RGPD3: variants seen among roughly 807,000 people sequenced by gnomAD.
RGPD3 encodes ranBP2-like and GRIP domain-containing protein 3.
Under a neutral mutation model 154.5 loss-of-function variants are expected in RGPD3, and 62 were observed. The ratio of observed to expected loss-of-function variants is 0.40; its 90% CI spans 0.33 to 0.50. The LOEUF (loss-of-function observed/expected upper bound fraction) is 0.50, where lower values mean the gene tolerates loss of function less well. Among genes scored for constraint, RGPD3 ranks in the 20% least tolerant of loss-of-function variants. RGPD3 has a pLI of 0.59. For synonymous variants in RGPD3, 308 were observed against 607.0 expected, an observed-to-expected ratio of 0.51 and a Z score of 7.24; for missense variants, 919 against 1,716.8, an observed-to-expected ratio of 0.54 and a Z score of 8.21.
At chr2:106,449,214 C>A (rs1678032473) in intron 6 of RGPD3, among the ~76,000 whole-genome samples, 1 of 150,298 alleles carries the variant, frequency 6.7e-6, no homozygotes, top group African/African-American at 2.5e-5. Flanking sequence ...CATGTAATTC[C>A]AGCACTTTGG....
chr2:106,461,716 G>A (rs1183655941), intron 1 of RGPD3, among the ~76,000 whole-genome samples: 1 of 151,202 alleles, frequency 6.6e-6, no homozygotes. Flanking sequence ...AAAATGCCTG[G>A]GAATAAATGT....
At chr2:106,418,576 AT>A (rs1287640158) in intron 20 of RGPD3, among the ~76,000 whole-genome samples, 3 of 151,742 alleles carry the variant, frequency 2.0e-5, no homozygotes, top group East Asian at 4.0e-4. Flanking sequence ...GTAAAGTGTT[AT>A]TTTTTCTGAG....
Position 106,467,880 on chromosome 2 carries a change from C to T in RGPD3, c.72+337G>A, listed in dbSNP as rs1195416931. Among the ~76,000 whole-genome samples, 14 of 140,134 alleles carry T rather than the reference C, an allele frequency of 1.0e-4. No individual in the cohort carries two copies. The East Asian group carries it at 2.4e-3, about 24-fold the overall frequency. The allele number at this position is 140,134 out of a possible 152,430, so 91.9% of individuals were successfully genotyped here. On this transcript the variant is annotated intron_variant, in intron 1 of 22. Coordinates refer to ENST00000409886, the MANE Select transcript of RGPD3 (RefSeq NM_001144013.2). ...ATGACGCCTGAGCCATCGAGGCCGC[C>T]GCAGGGCCAGGTCGAGGCCGGCGCC...
Position 106,424,583 on chromosome 2 carries a change from T to C in RGPD3, c.3384A>G (p.Arg1128=). ...AATCACTGGCTGACCACATCCATGCTCTATCTGATCCAGAGAGGGGCTTCA... is the reference window on the plus strand; with the variant it reads ...AATCACTGGCTGACCACATCCATGCCCTATCTGATCCAGAGAGGGGCTTCA... ...MNLKPLSGSD[R]AWMWSASDFS... Residue 1128 remains arginine (R), a synonymous_variant, in exon 20 of 23, where the codon AGA becomes AGG. Transcript: ENST00000409886. 6.2e-7 allele frequency: 1 copy of C among 1,611,278 alleles called. No homozygotes were observed. The highest frequency in any genetic ancestry group is 1.7e-5 in the Admixed American group (1 of 59,974).
At position 106,468,195 on chromosome 2, in the gene RGPD3, G is replaced by T. The variant is rs372006418; in HGVS notation, c.72+22C>A. ...GCCGCCCGGCCAGGTCGAGGCCGTC[G>T]GTCTCTTCCAGACCCACTCACCTTT... On this transcript the variant is annotated intron_variant, in intron 1 of 22. Coordinates refer to ENST00000409886, the MANE Select transcript of RGPD3 (RefSeq NM_001144013.2). 5.1e-4 allele frequency: 821 copies of T among 1,595,120 alleles called. 5 individuals carry two copies. The African/African-American group carries it at 0.01, about 20-fold the overall frequency.
chr2:106,424,006 C>G lies in RGPD3; in HGVS notation c.3961G>C (p.Glu1321Gln), dbSNP rs1025591319. 2.5e-6 allele frequency: 4 copies of G among 1,611,694 alleles called. No individual in the cohort carries two copies. Among genetic ancestry groups the G allele is most frequent in the Non-Finnish European group, 3.4e-6 (4 of 1,179,844 alleles). ...QSGTSVGTDEESDVTQEEERD... is the reference protein window; with the variant it reads ...QSGTSVGTDEQSDVTQEEERD... ...TCTTCTTCTTGAGTAACATCAGATT[C>G]TTCATCAGTGCCAACTGAAGTCCCA... Residue 1321 changes from glutamate (E) to glutamine (Q), a missense_variant, in exon 20 of 23, where the codon GAA becomes CAA. Physicochemically the swap from Glu to Gln is conservative, Grantham distance 29. Transcript: ENST00000409886.
intron 1 of RGPD3, among the ~76,000 whole-genome samples, chr2:106,466,766 A>AT (rs1370332925): frequency 1.5e-5 from 1 of 64,772 alleles, no homozygotes; most frequent in Non-Finnish European, 3.1e-5. Flanking sequence ...GTCGGGAGCC[A>AT]TGACGCCTGA....
intron 1 of RGPD3, among the ~76,000 whole-genome samples, chr2:106,467,738 G>A (rs1197755597): frequency 7.2e-6 from 1 of 139,680 alleles, no homozygotes; most frequent in Admixed American, 7.0e-5. Context: ...AACAGAGCGC[G>A]CCAGGGAGCA....
chr2:106,468,446 G>A, upstream of RGPD3: 1 of 1,408,170 alleles, frequency 7.1e-7, no homozygotes, highest in Non-Finnish European at 9.5e-7. Context: ...ACAGTGTGTG[G>A]AACGTTGGCG....
chr2:106,407,341 C>G (rs3872529), intron 22 of RGPD3, among the ~76,000 whole-genome samples: 39 of 138,642 alleles, frequency 2.8e-4, no homozygotes, highest in South Asian at 7.2e-4. Context: ...TACTGGCTCT[C>G]AAGGGGAAGA....
At position 106,423,905 on chromosome 2, in the gene RGPD3, T is replaced by C. The variant is rs749643440; in HGVS notation, c.4062A>G (p.Glu1354=). 6.8e-6 allele frequency: 11 copies of C among 1,611,810 alleles called. No individual in the cohort carries two copies. Among genetic ancestry groups the C allele is most frequent in the Non-Finnish European group, 9.3e-6 (11 of 1,179,858 alleles). The change falls in exon 20 of 23, where the codon GAA becomes GAG. Residue 1354 remains glutamate, a synonymous_variant. Transcript: ENST00000409886. ...LVEVSSGEEN[E]QVVFSHRAEF... ...CTGCCCTGTGACTAAAAACAACTTG[T>C]TCATTTTCCTCACCACTGGATACTT... is the stretch of plus-strand genomic sequence containing the variant.
intron 1 of RGPD3, among the ~76,000 whole-genome samples, chr2:106,466,249 C>T (rs1490821435): frequency 6.6e-6 from 1 of 152,110 alleles, no homozygotes; most frequent in Non-Finnish European, 1.5e-5. Flanking sequence ...ACTCTTCCTG[C>T]GCTTGCAAGC....
chr2:106,432,345 C>T (rs200754716), intron 17 of RGPD3, among the ~76,000 whole-genome samples: 9 of 147,984 alleles, frequency 6.1e-5, no homozygotes, highest in Admixed American at 3.5e-4. Flanking sequence ...CCCAGCTACT[C>T]GGGAGGCTGA....
At position 106,441,863 on chromosome 2, in the gene RGPD3, C is replaced by CAAAAAAAAAAAAAAAA. The variant is rs1166971652; in HGVS notation, c.979-499_979-484dup. Reference sequence around the variant, plus strand: ...TGGGTGAAAGAGTGAGACTCCATCGCAAAAAAAAAAAAAAAAAAAAAAAAA... The same window carrying CAAAAAAAAAAAAAAAA: ...TGGGTGAAAGAGTGAGACTCCATCGCAAAAAAAAAAAAAAAAAAAAAAAAAAAAAAAAAAAAAAAAA... On this transcript the variant is annotated intron_variant, in intron 7 of 22. Coordinates refer to ENST00000409886, the MANE Select transcript of RGPD3 (RefSeq NM_001144013.2). Among the ~76,000 whole-genome samples, 8 of 13,638 alleles carry CAAAAAAAAAAAAAAAA rather than the reference C, an allele frequency of 5.9e-4. 3 individuals carry two copies. Among genetic ancestry groups the CAAAAAAAAAAAAAAAA allele is most frequent in the Non-Finnish European group, 8.6e-4 (7 of 8,118 alleles). The allele number at this position is 13,638 out of a possible 152,430, so 8.9% of individuals were successfully genotyped here. A position where few individuals can be genotyped will look rare whatever the true frequency, so the allele number is the denominator to read the frequency against.
chr2:106,416,089 A>T, intron 20 of RGPD3, 100 bp from the exon 21 acceptor site: 1 of 1,537,710 alleles, frequency 6.5e-7, no homozygotes, highest in Non-Finnish European at 8.8e-7. Flanking sequence ...ACTATGTGAT[A>T]TTTTATAGCT....
At chr2:106,408,821 G>A (rs1303603793) in intron 22 of RGPD3, among the ~76,000 whole-genome samples, 2 of 151,798 alleles carry the variant, frequency 1.3e-5, no homozygotes, top group African/African-American at 2.4e-5. Context: ...CGAGTAGCTA[G>A]GACTATGGGC....
chr2:106,466,058 G>A (rs538921661), intron 1 of RGPD3, among the ~76,000 whole-genome samples: 1 of 151,898 alleles, frequency 6.6e-6, no homozygotes, highest in Non-Finnish European at 1.5e-5. Context: ...GAAACCCGCC[G>A]ATACAGCACC....
chr2:106,465,112 G>A (rs1441267977), intron 1 of RGPD3, among the ~76,000 whole-genome samples: 2 of 151,258 alleles, frequency 1.3e-5, no homozygotes, highest in South Asian at 4.2e-4. Flanking sequence ...CCAAAACTCC[G>A]ACATTCTAGA....
chr2:106,451,227 C>T (rs11685423), intron 6 of RGPD3, among the ~76,000 whole-genome samples: 8,514 of 151,046 alleles, frequency 0.056, 92 homozygotes, highest in Non-Finnish European at 0.084. Flanking sequence ...CAAAATAAAA[C>T]ATCCTACATG....
Sources: allele counts gnomAD v4.1 joint callset (sites outside exome capture counted in the v4.1 genomes callset), GRCh38; gene constraint gnomAD v4.1.1; transcripts MANE v1.5; gene names NCBI Gene and HGNC (gene_info 2026-07-23, HGNC 2026-07-21).